The following PCDHGB1 variants were observed in gnomAD, a reference collection of about 807,000 sequenced individuals.
PCDHGB1 encodes the protein protocadherin gamma-B1.
Under a neutral mutation model 56.6 loss-of-function variants are expected in PCDHGB1, and 34 were observed. The observed-to-expected ratio is 0.60, with a 90% confidence interval of 0.46 to 0.80. PCDHGB1 has a LOEUF of 0.80. PCDHGB1 is among the 30% of genes least tolerant of loss of function. The pLI is 0.00. For missense variants in PCDHGB1, 1,278 were observed against 1,204.6 expected (o/e 1.06, Z -0.90); for synonymous variants, 561 against 505.9 (o/e 1.11, Z -1.46).
intron 1 of PCDHGB1, chr5:141,492,036 T>A: frequency 1.9e-6 from 1 of 536,866 alleles, no homozygotes; most frequent in Non-Finnish European, 3.2e-6. Flanking sequence ...GAGGAGGCAG[T>A]CACAGATCCA....
At chr5:141,372,152 C>G in intron 1 of PCDHGB1, 1 of 1,613,792 alleles carries the variant, frequency 6.2e-7, no homozygotes, top group East Asian at 2.2e-5. Context: ...AGCCTGGCTA[C>G]CTGGTGACCA....
intron 1 of PCDHGB1, chr5:141,423,387 G>A (rs373190092): frequency 6.2e-7 from 1 of 1,614,162 alleles, no homozygotes; most frequent in Non-Finnish European, 8.5e-7. Context: ...TGTGGCGCTG[G>A]CATAAGTCAC....
intron 1 of PCDHGB1, chr5:141,365,468 G>A: frequency 6.2e-7 from 1 of 1,613,972 alleles, no homozygotes; most frequent in Non-Finnish European, 8.5e-7. Flanking sequence ...TGGAGAAAAT[G>A]GTGAGATTGC....
Position 141,432,184 on chromosome 5 carries a change from C to T in PCDHGB1, c.2410-62623C>T, listed in dbSNP as rs774512372. 3.7e-6 allele frequency: 6 copies of T among 1,614,164 alleles called. No homozygotes were observed. The highest frequency in any genetic ancestry group is 2.2e-5 in the South Asian group (2 of 91,080). On this transcript the variant is annotated intron_variant, in intron 1 of 3. Transcript: ENST00000523390. The surrounding 1 kb of genome is among the most constrained non-coding windows in gnomAD (Gnocchi z 6.0). Reference sequence around the variant, plus strand: ...GAGGAGTTTCCCTCGTCTCTGTGACCGCCCACGACCCCGACTGTGAAGAGA... The same window carrying T: ...GAGGAGTTTCCCTCGTCTCTGTGACTGCCCACGACCCCGACTGTGAAGAGA...
intron 1 of PCDHGB1, chr5:141,417,757 G>A: frequency 7.0e-7 from 1 of 1,435,144 alleles, no homozygotes; most frequent in Non-Finnish European, 9.2e-7. Flanking sequence ...CCAGCTCCGA[G>A]ACCCGGGACT....
rs770235234 is a variant in PCDHGB1 at position 141,422,145 on chromosome 5, G to T, written c.2409+69476G>T. On this transcript the variant is annotated intron_variant, in intron 1 of 3. Coordinates refer to ENST00000523390, the MANE Select transcript of PCDHGB1 (RefSeq NM_018922.3). Reference sequence around the variant, plus strand: ...AAACTGGAGAAGTTCAAGTACGGGGGTCTCTGGATTTTGAAAAATATAGAT... The same window carrying T: ...AAACTGGAGAAGTTCAAGTACGGGGTTCTCTGGATTTTGAAAAATATAGAT... The T allele has an allele frequency of 8.2e-6, 13 of 1,580,608 alleles. No individual in the cohort carries two copies. The African/African-American group carries it at 1.5e-4, about 18-fold the overall frequency.
chr5:141,418,542 T>A (rs1260030087), intron 1 of PCDHGB1: 1 of 1,614,028 alleles, frequency 6.2e-7, no homozygotes, highest in South Asian at 1.1e-5. Context: ...ACTGCTCAGA[T>A]AAGAATCCTG....
At chr5:141,389,498 A>T (rs376900362) in intron 1 of PCDHGB1, 6 of 1,612,928 alleles carry the variant, frequency 3.7e-6, no homozygotes, top group African/African-American at 1.3e-5. Context: ...AGGGCTCGCC[A>T]GCGCTCAGCG....
intron 1 of PCDHGB1, chr5:141,422,195 A>G: frequency 6.4e-7 from 1 of 1,562,278 alleles, no homozygotes; most frequent in African/African-American, 1.4e-5. Flanking sequence ...ATTCAAGGCC[A>G]AGATGGTGGA....
At position 141,375,343 on chromosome 5, in the gene PCDHGB1, C is replaced by T. The variant is rs114810218; in HGVS notation, c.2409+22674C>T. 5.4e-3 allele frequency: 8,654 copies of T among 1,613,832 alleles called. 30 individuals are homozygous for T. Among genetic ancestry groups the T allele is most frequent in the Non-Finnish European group, 6.4e-3 (7,546 of 1,179,894 alleles). The stretch of plus-strand genomic sequence containing the variant: ...GGGAAGAGGTATTCTTGTACAACAT[C>T]ACTGTGACAGCCACGGACAAAGGAA... On this transcript the variant is annotated intron_variant, in intron 1 of 3. Transcript: ENST00000523390.
chr5:141,404,862 C>A, intron 1 of PCDHGB1: 1 of 1,613,848 alleles, frequency 6.2e-7, no homozygotes, highest in Non-Finnish European at 8.5e-7. Context: ...GATAGAGATG[C>A]GCTCAAACAG....
chr5:141,390,246 C>T (rs1401463493), intron 1 of PCDHGB1: 5 of 1,613,922 alleles, frequency 3.1e-6, no homozygotes, highest in African/African-American at 1.3e-5. Context: ...GGCCTTATTT[C>T]CACTTTGTAA....
At position 141,352,032 on chromosome 5, in the gene PCDHGB1, A is replaced by G. The variant is rs558236918; in HGVS notation, c.1772A>G (p.Asp591Gly). Residue 591 changes from aspartate (D) to glycine (G), a missense_variant, in exon 1 of 4, where the codon GAC becomes GGC. By Grantham distance (94) the Asp-to-Gly change is moderately conservative. Coordinates refer to ENST00000523390, the MANE Select transcript of PCDHGB1 (RefSeq NM_018922.3). ...GYLVTKVVAV[D>G]ADSGHNAWLS... ...CTGGTGACCAAGGTGGTGGCGGTGG[A>G]CGCAGACTCAGGACACAACGCTTGG... is the stretch of plus-strand genomic sequence containing the variant. 7.5e-5 allele frequency: 120 copies of G among 1,608,932 alleles called. No individual in the cohort carries two copies. The East Asian group carries it at 2.6e-3, about 35-fold the overall frequency.
chr5:141,368,187 G>A (rs80010247), intron 1 of PCDHGB1, among the ~76,000 whole-genome samples: 206 of 152,174 alleles, frequency 1.4e-3, no homozygotes, highest in African/African-American at 4.8e-3. Context: ...GACTAAATAA[G>A]GGGAAAAGGT....
At chr5:141,426,834 A>G (rs1561824131) in intron 1 of PCDHGB1, 1 of 456,724 alleles carries the variant, frequency 2.2e-6, no homozygotes, top group South Asian at 1.5e-5. Flanking sequence ...GATGGACAAG[A>G]CTAAAGGCAA....
intron 1 of PCDHGB1, chr5:141,383,573 C>T: frequency 8.1e-6 from 13 of 1,613,346 alleles, no homozygotes; most frequent in Non-Finnish European, 1.1e-5. Context: ...CGATCCAGCA[C>T]CGCCCACATC....
intron 1 of PCDHGB1, chr5:141,418,673 G>A (rs2096279740): frequency 5.0e-6 from 8 of 1,614,026 alleles, no homozygotes; most frequent in Non-Finnish European, 6.8e-6. Context: ...CCAGGACGAG[G>A]GCATCAACTC....
At chr5:141,478,526 G>A (rs1402123535) in intron 1 of PCDHGB1, 1 of 1,609,906 alleles carries the variant, frequency 6.2e-7, no homozygotes, top group Admixed American at 1.7e-5. Context: ...GTTGGGTGCA[G>A]AGAGCGCCCC....
chr5:141,403,243 T>C (rs1363955978), intron 1 of PCDHGB1: 2 of 1,613,894 alleles, frequency 1.2e-6, no homozygotes, highest in East Asian at 4.5e-5. Context: ...AGCTCTGTGC[T>C]CAGAGCCCGC....
Sources: allele counts gnomAD v4.1 joint callset (sites outside exome capture counted in the v4.1 genomes callset), GRCh38; gene constraint gnomAD v4.1.1; non-coding constraint Gnocchi (gnomAD v3.1); transcripts MANE v1.5; gene names NCBI Gene and HGNC (gene_info 2026-07-23, HGNC 2026-07-21).